The following EPHA6 variants were observed in gnomAD, a reference collection of about 807,000 sequenced individuals.
The protein encoded by EPHA6 is EPH receptor A6, also known as ephrin type-A receptor 6.
In EPHA6, 50 loss-of-function variants were observed where a neutral mutation model predicts 112.0. The ratio of observed to expected loss-of-function variants is 0.45; its 90% CI spans 0.36 to 0.56. The LOEUF (loss-of-function observed/expected upper bound fraction) is 0.56. Among genes scored for constraint, EPHA6 ranks in the 20% least tolerant of loss-of-function variants. EPHA6 has a pLI of 0.00. For synonymous variants in EPHA6, 529 were observed against 490.7 expected, an observed-to-expected ratio of 1.08 and a Z score of -1.03; for missense variants, 1,280 against 1,417.4, an observed-to-expected ratio of 0.90 and a Z score of 1.56.
chr3:97,322,692 A>G (rs2082178113), intron 5 of EPHA6, among the ~76,000 whole-genome samples: 1 of 152,108 alleles, frequency 6.6e-6, no homozygotes, highest in African/African-American at 2.4e-5. Flanking sequence ...TGATTCTTGA[A>G]TTCTAAATAT....
intron 11 of EPHA6, among the ~76,000 whole-genome samples, chr3:97,533,709 C>A (rs2118350): frequency 0.27 from 40,618 of 151,860 alleles, 8,200 homozygotes; most frequent in African/African-American, 0.56. Flanking sequence ...GTCCTCTTGC[C>A]ACACTCTTTC....
intron 3 of EPHA6, among the ~76,000 whole-genome samples, chr3:97,189,899 A>T (rs1409691344): frequency 2.6e-5 from 4 of 152,124 alleles, no homozygotes; most frequent in Non-Finnish European, 5.9e-5. Flanking sequence ...TTTACGTGCT[A>T]TTCCATGAGC....
chr3:97,522,669 A>G (rs980345981), intron 10 of EPHA6, among the ~76,000 whole-genome samples: 1 of 152,172 alleles, frequency 6.6e-6, no homozygotes, highest in Non-Finnish European at 1.5e-5. Flanking sequence ...GAAGTAATAA[A>G]GTCTGGGCTT....
chr3:97,304,229 CT>C (rs1276493889), intron 5 of EPHA6, among the ~76,000 whole-genome samples: 3 of 151,832 alleles, frequency 2.0e-5, no homozygotes, highest in Non-Finnish European at 4.4e-5. Context: ...TTTGAATACC[CT>C]TTATCTCTTT....
intron 11 of EPHA6, among the ~76,000 whole-genome samples, chr3:97,549,790 G>A (rs113190261): frequency 4.6e-5 from 7 of 151,804 alleles, no homozygotes; most frequent in South Asian, 2.1e-4. Flanking sequence ...CAGCCTGGGC[G>A]ACAAGGCGAG....
chr3:96,839,815 C>T (rs1350876069), intron 1 of EPHA6, among the ~76,000 whole-genome samples: 4 of 151,988 alleles, frequency 2.6e-5, no homozygotes, highest in Non-Finnish European at 4.4e-5. Context: ...ACTTACTAGG[C>T]ATTTGTTAGC....
chr3:97,002,175 T>TA (rs967309363), intron 3 of EPHA6, among the ~76,000 whole-genome samples: 9 of 151,848 alleles, frequency 5.9e-5, no homozygotes, highest in African/African-American at 2.2e-4. Context: ...AAATTAAATG[T>TA]AAAAATTGTG....
intron 5 of EPHA6, among the ~76,000 whole-genome samples, chr3:97,304,952 A>G (rs1279534820): frequency 6.6e-6 from 1 of 152,118 alleles, no homozygotes; most frequent in African/African-American, 2.4e-5. Context: ...GTGAACAGAA[A>G]GGCTATAGAA....
chr3:97,737,076 T>C (rs1337033046), intron 16 of EPHA6, among the ~76,000 whole-genome samples: 2 of 151,950 alleles, frequency 1.3e-5, no homozygotes, highest in East Asian at 1.9e-4. Context: ...AAATCACTAA[T>C]TGGCAGCCTC....
At chr3:97,178,800 T>C (rs756369529) in intron 3 of EPHA6, among the ~76,000 whole-genome samples, 11 of 152,266 alleles carry the variant, frequency 7.2e-5, no homozygotes, top group Non-Finnish European at 1.3e-4. Context: ...CTTTGAGAGT[T>C]TGATCATTAA....
chr3:97,354,878 T>C (rs1368954476), intron 5 of EPHA6, among the ~76,000 whole-genome samples: 1 of 152,014 alleles, frequency 6.6e-6, no homozygotes, highest in African/African-American at 2.4e-5. Context: ...ATAAATAACA[T>C]ACAAAGGTGC....
At chr3:97,447,273 T>C (rs1195035062) in intron 6 of EPHA6, among the ~76,000 whole-genome samples, 1 of 152,162 alleles carries the variant, frequency 6.6e-6, no homozygotes, top group East Asian at 1.9e-4. Context: ...TCCATATGTG[T>C]ACATTTTCAT....
At chr3:97,674,157 T>C (rs892961784) in intron 14 of EPHA6, among the ~76,000 whole-genome samples, 1 of 152,188 alleles carries the variant, frequency 6.6e-6, no homozygotes, top group Admixed American at 6.5e-5. Context: ...TGTGAATGGT[T>C]ATGGAAACAT....
At chr3:97,597,727 TC>T (rs1222389396) in intron 12 of EPHA6, among the ~76,000 whole-genome samples, 1 of 152,226 alleles carries the variant, frequency 6.6e-6, no homozygotes, top group Non-Finnish European at 1.5e-5. Flanking sequence ...TGGGCTGAAG[TC>T]AGGGAAAATA....
At chr3:97,354,930 A>G (rs2083992362) in intron 5 of EPHA6, among the ~76,000 whole-genome samples, 1 of 152,242 alleles carries the variant, frequency 6.6e-6, no homozygotes, top group African/African-American at 2.4e-5. Context: ...GAAACTTTAC[A>G]GATCAGGAAA....
At chr3:97,575,905 A>G (rs2093379297) in intron 11 of EPHA6, among the ~76,000 whole-genome samples, 1 of 152,198 alleles carries the variant, frequency 6.6e-6, no homozygotes, top group Non-Finnish European at 1.5e-5. Flanking sequence ...GAGGGTGACT[A>G]AGAAAGACAG....
intron 13 of EPHA6, among the ~76,000 whole-genome samples, chr3:97,630,418 C>T (rs2093892953): frequency 6.6e-6 from 1 of 151,920 alleles, no homozygotes; most frequent in Admixed American, 6.6e-5. Context: ...GTTTTGAAAT[C>T]TATAAATAAT....
intron 5 of EPHA6, among the ~76,000 whole-genome samples, chr3:97,319,183 C>A (rs189953141): frequency 1.5e-4 from 23 of 150,790 alleles, no homozygotes; most frequent in Non-Finnish European, 7.4e-5. Context: ...CTAGTTGTGT[C>A]TTCTGTGAAA....
rs1358114957 is a variant in EPHA6 at position 96,985,835 on chromosome 3, T to A, written c.451-1495T>A. Among the ~76,000 whole-genome samples the A allele has an allele frequency of 2.4e-3, 372 of 152,310 alleles. 2 individuals are homozygous for A. Among genetic ancestry groups the A allele is most frequent in the African/African-American group, 8.4e-3 (351 of 41,578 alleles). On this transcript the variant is annotated intron_variant, in intron 2 of 17. Coordinates refer to ENST00000389672, the MANE Select transcript of EPHA6 (RefSeq NM_001080448.3). ...TGTATACTGAGGAAAATAGGCATTC[T>A]GTTAGAAACTATACTATACTAGTGA...
Sources: gnomAD v4.1 joint callset for allele counts (sites outside exome capture counted in the v4.1 genomes callset) on GRCh38, gnomAD v4.1.1 for gene constraint, MANE v1.5 for transcripts, NCBI Gene and HGNC (gene_info 2026-07-23, HGNC 2026-07-21) for gene names.